Variants in RANBP17 observed in about 807,000 individuals in gnomAD.
RANBP17 encodes the protein RAN binding protein 17.
A neutral mutation model predicts 141.2 loss-of-function variants in RANBP17; 158 were observed. That is an observed-to-expected ratio of 1.12 (90% CI 0.98 to 1.28). RANBP17 has a LOEUF of 1.28. RANBP17 is among the 50% of genes most tolerant of loss of function. The pLI is 0.00. For missense variants in RANBP17, 1,438 were observed against 1,290.7 expected, an observed-to-expected ratio of 1.11 and a Z score of -1.75; for synonymous variants, 430 against 450.0, an observed-to-expected ratio of 0.96 and a Z score of 0.56.
At chr5:170,959,089 A>G (rs1008469158) in intron 13 of RANBP17, among the ~76,000 whole-genome samples, 7 of 152,144 alleles carry the variant, frequency 4.6e-5, no homozygotes, top group Non-Finnish European at 8.8e-5. Flanking sequence ...AATGTAATCC[A>G]CTAGTGCTAG....
At chr5:171,027,363 A>T (rs187897050) in intron 14 of RANBP17, among the ~76,000 whole-genome samples, 1 of 152,182 alleles carries the variant, frequency 6.6e-6, no homozygotes, top group Non-Finnish European at 1.5e-5. Context: ...GTCATGGAAC[A>T]TCTTATCTCC....
chr5:171,203,148 C>T (rs1689189277), intron 19 of RANBP17, among the ~76,000 whole-genome samples: 1 of 152,224 alleles, frequency 6.6e-6, no homozygotes. Flanking sequence ...GAGCCTGTCA[C>T]TCTTCAGACC....
chr5:171,264,892 C>G (rs1022476471), intron 24 of RANBP17, among the ~76,000 whole-genome samples: 4 of 152,306 alleles, frequency 2.6e-5, no homozygotes, highest in African/African-American at 9.6e-5. Flanking sequence ...TTGGAATAAT[C>G]TTTTGAAACC....
At chr5:171,227,388 C>G (rs1561781731) in intron 22 of RANBP17, among the ~76,000 whole-genome samples, 1 of 152,226 alleles carries the variant, frequency 6.6e-6, no homozygotes, top group Admixed American at 6.5e-5. Flanking sequence ...AAGGCAAAGC[C>G]TAATCCAGAG....
chr5:171,276,690 C>A (rs1767506973), intron 25 of RANBP17, among the ~76,000 whole-genome samples: 1 of 152,020 alleles, frequency 6.6e-6, no homozygotes, highest in Non-Finnish European at 1.5e-5. Flanking sequence ...TAAACAACAG[C>A]CATACCTTTT....
At chr5:170,955,476 ATATATATATGCTCAGTGTG>A (rs1775555002) in intron 13 of RANBP17, among the ~76,000 whole-genome samples, 1 of 97,238 alleles carries the variant, frequency 1.0e-5, no homozygotes, top group African/African-American at 3.4e-5. Context: ...CTATATATAT[ATATATATATGCTCAGTGTG>A]TATATATATA....
intron 24 of RANBP17, among the ~76,000 whole-genome samples, chr5:171,257,461 TG>T (rs1765973188): frequency 6.6e-6 from 1 of 152,170 alleles, no homozygotes; most frequent in Admixed American, 6.5e-5. Flanking sequence ...TCATACTGAA[TG>T]GGGAAAAGTT....
intron 14 of RANBP17, among the ~76,000 whole-genome samples, chr5:171,045,928 T>C (rs1418523758): frequency 1.3e-5 from 2 of 152,184 alleles, no homozygotes; most frequent in Admixed American, 6.5e-5. Flanking sequence ...CACTACTGTT[T>C]TGCCTTATTC....
intron 24 of RANBP17, among the ~76,000 whole-genome samples, chr5:171,256,437 C>T (rs900848844): frequency 1.6e-4 from 24 of 152,054 alleles, no homozygotes; most frequent in Middle Eastern, 3.2e-3. Flanking sequence ...AAGTTTATAG[C>T]AATAAATGCT....
intron 8 of RANBP17, among the ~76,000 whole-genome samples, chr5:170,914,449 G>A (rs890210429): frequency 2.0e-5 from 3 of 152,090 alleles, no homozygotes; most frequent in African/African-American, 4.8e-5. Context: ...GGTGAGCCTA[G>A]AACCAGTAAC....
intron 25 of RANBP17, among the ~76,000 whole-genome samples, chr5:171,291,453 G>A (rs928476451): frequency 1.3e-5 from 2 of 152,178 alleles, no homozygotes; most frequent in African/African-American, 4.8e-5. Context: ...TTGAAGGATT[G>A]GAGCCCCAGC....
intron 22 of RANBP17, among the ~76,000 whole-genome samples, chr5:171,224,978 G>A (rs1161982524): frequency 6.6e-6 from 1 of 152,146 alleles, no homozygotes; most frequent in Non-Finnish European, 1.5e-5. Flanking sequence ...AATACTTCAT[G>A]CCTCAAAGAC....
At chr5:171,205,384 T>G in intron 19 of RANBP17, 140 bp from the exon 20 acceptor site, 1 of 655,832 alleles carries the variant, frequency 1.5e-6, no homozygotes, top group East Asian at 2.7e-5. Flanking sequence ...GAGTCTGTGC[T>G]TTTCTGTAGA....
intron 14 of RANBP17, among the ~76,000 whole-genome samples, chr5:171,080,244 A>AACAC (rs5873252): frequency 0.032 from 4,696 of 147,850 alleles, 161 homozygotes; most frequent in African/African-American, 0.087. Flanking sequence ...ACACACACAA[A>AACAC]ACACACACAC....
At chr5:171,088,868 A>T (rs962742030) in intron 14 of RANBP17, among the ~76,000 whole-genome samples, 1 of 151,672 alleles carries the variant, frequency 6.6e-6, no homozygotes, top group Non-Finnish European at 1.5e-5. Context: ...ATTCATCTAA[A>T]TTTTTTTCAA....
At chr5:171,049,734 C>T (rs1428047646) in intron 14 of RANBP17, among the ~76,000 whole-genome samples, 1 of 152,080 alleles carries the variant, frequency 6.6e-6, no homozygotes, top group African/African-American at 2.4e-5. Flanking sequence ...AAGTTTTTTC[C>T]TCATTGCTTG....
intron 14 of RANBP17, among the ~76,000 whole-genome samples, chr5:170,979,265 G>A (rs888722625): frequency 6.6e-6 from 1 of 152,130 alleles, no homozygotes; most frequent in African/African-American, 2.4e-5. Context: ...TGCATGGTGG[G>A]TGTGCATGGG....
intron 14 of RANBP17, among the ~76,000 whole-genome samples, chr5:171,089,313 C>G (rs12521442): frequency 0.48 from 45,241 of 94,108 alleles, 12,622 homozygotes; most frequent in East Asian, 0.81. Context: ...GCAGTCTGCC[C>G]GTTCTCAGAT....
intron 14 of RANBP17, among the ~76,000 whole-genome samples, chr5:171,100,458 AT>A (rs1160213884): frequency 6.6e-6 from 1 of 152,022 alleles, no homozygotes; most frequent in Admixed American, 6.6e-5. Flanking sequence ...CCCCTTTATC[AT>A]TTTTTATTGT....
Sources: allele counts gnomAD v4.1 joint callset (sites outside exome capture counted in the v4.1 genomes callset), GRCh38; gene constraint gnomAD v4.1.1; transcripts MANE v1.5; gene names NCBI Gene and HGNC (gene_info 2026-07-23, HGNC 2026-07-21).